ERBB4: variants seen among roughly 807,000 people sequenced by gnomAD.
ERBB4 encodes erb-b2 receptor tyrosine kinase 4.
ERBB4 carries 42 observed loss-of-function variants against 158.0 expected under a neutral mutation model. The ratio of observed to expected loss-of-function variants is 0.27; its 90% confidence interval spans 0.21 to 0.34. The LOEUF is 0.34. Among genes scored for constraint, ERBB4 ranks in the 10% least tolerant of loss-of-function variants. The probability of loss-of-function intolerance (pLI) is 1.00; values close to 1 mark genes in which losing one functional copy is unlikely to be tolerated. For synonymous variants in ERBB4, 583 were observed against 558.7 expected (o/e 1.04, Z -0.61); for missense variants, 1,333 against 1,624.1 (o/e 0.82, Z 3.08).
At chr2:212,039,418 A>G (rs1241795645) in intron 2 of ERBB4, among the ~76,000 whole-genome samples, 1 of 152,190 alleles carries the variant, frequency 6.6e-6, no homozygotes, top group Non-Finnish European at 1.5e-5. Flanking sequence ...AAGAGAGGAT[A>G]CTTTACATGG....
chr2:212,193,091 A>C (rs2082321895), intron 1 of ERBB4, among the ~76,000 whole-genome samples: 1 of 152,146 alleles, frequency 6.6e-6, no homozygotes. Flanking sequence ...TGCTATGTAC[A>C]AAATAAAGCA....
At chr2:212,068,929 A>C (rs2078026122) in intron 2 of ERBB4, among the ~76,000 whole-genome samples, 1 of 152,052 alleles carries the variant, frequency 6.6e-6, no homozygotes, top group Non-Finnish European at 1.5e-5. Context: ...TGAATGAATG[A>C]ATTTGGAACT....
Position 211,754,763 on chromosome 2 carries a change from C to A in ERBB4, c.557-4059G>T, listed in dbSNP as rs145499723. The stretch of plus-strand genomic sequence containing the variant: ...TTCCCCAGGCTGGAGTGCAATGGCA[C>A]AATTTCGGCTCACTGCAACCTCCAC... On this transcript the variant is annotated intron_variant, in intron 4 of 27. Coordinates refer to ENST00000342788, the MANE Select transcript of ERBB4 (RefSeq NM_005235.3). Among the ~76,000 whole-genome samples, 209 of 151,672 alleles carry A rather than the reference C, an allele frequency of 1.4e-3. 3 individuals carry two copies. In the East Asian group the frequency reaches 0.037, roughly 27 times the overall value.
At chr2:211,809,440 T>G (rs957610559) in intron 3 of ERBB4, among the ~76,000 whole-genome samples, 2 of 152,202 alleles carry the variant, frequency 1.3e-5, no homozygotes, top group African/African-American at 4.8e-5. Flanking sequence ...GTCCAGGAAT[T>G]TATCCATTTC....
At chr2:211,696,561 C>A (rs1443086151) in intron 12 of ERBB4, among the ~76,000 whole-genome samples, 1 of 152,048 alleles carries the variant, frequency 6.6e-6, no homozygotes, top group Non-Finnish European at 1.5e-5. Context: ...AAAACCCAGG[C>A]CATTTGGCTC....
At chr2:212,501,825 C>A in intron 1 of ERBB4, among the ~76,000 whole-genome samples, 1 of 152,048 alleles carries the variant, frequency 6.6e-6, no homozygotes, top group Non-Finnish European at 1.5e-5. Context: ...CATAATAAAT[C>A]ATTTTATCAA....
chr2:211,490,392 A>C (rs1405704199), intron 20 of ERBB4, among the ~76,000 whole-genome samples: 3 of 152,010 alleles, frequency 2.0e-5, no homozygotes, highest in South Asian at 4.1e-4. Context: ...CCACTAGACA[A>C]GCTCCATGGA....
intron 2 of ERBB4, among the ~76,000 whole-genome samples, chr2:211,963,441 T>C (rs755821867): frequency 1.3e-5 from 2 of 152,138 alleles, no homozygotes; most frequent in Non-Finnish European, 2.9e-5. Flanking sequence ...TGCCTGCTAG[T>C]ATACCATCAA....
intron 3 of ERBB4, among the ~76,000 whole-genome samples, chr2:211,837,654 T>C (rs1441927029): frequency 6.6e-6 from 1 of 152,124 alleles, no homozygotes; most frequent in Non-Finnish European, 1.5e-5. Context: ...TTAACTTCTC[T>C]GTAACTCAGT....
At position 211,987,328 on chromosome 2, in the gene ERBB4, G is replaced by C. The variant is rs114122328; in HGVS notation, c.235-39712C>G. Among the ~76,000 whole-genome samples the C allele has an allele frequency of 6.5e-3, 27 of 4,130 alleles. 1 individual carries two copies. In the East Asian group the frequency reaches 0.13, roughly 20 times the overall value. The allele number at this position is 4,130 out of a possible 152,430, so 2.7% of individuals were successfully genotyped here. A position where few individuals can be genotyped will look rare whatever the true frequency, so the allele number is the denominator to read the frequency against. Reference sequence around the variant, plus strand: ...AGAGGGAGACTCCATCTCAAGAAAAGACAAAAAAAAAAAAAAGAAAGAAAT... The same window carrying C: ...AGAGGGAGACTCCATCTCAAGAAAACACAAAAAAAAAAAAAAGAAAGAAAT... On this transcript the variant is annotated intron_variant, in intron 2 of 27. Coordinates refer to ENST00000342788, the MANE Select transcript of ERBB4 (RefSeq NM_005235.3).
At chr2:211,536,614 T>C (rs185287512) in intron 20 of ERBB4, among the ~76,000 whole-genome samples, 5 of 152,010 alleles carry the variant, frequency 3.3e-5, no homozygotes, top group African/African-American at 9.6e-5. Context: ...GGGAGAAATA[T>C]ATAGAACCAA....
At chr2:212,162,132 T>C (rs1190801267) in intron 1 of ERBB4, among the ~76,000 whole-genome samples, 2 of 151,848 alleles carry the variant, frequency 1.3e-5, no homozygotes, top group Non-Finnish European at 2.9e-5. Flanking sequence ...AAAAGACATA[T>C]GCAACAATAT....
At chr2:212,013,359 C>A (rs1194813608) in intron 2 of ERBB4, among the ~76,000 whole-genome samples, 1 of 152,174 alleles carries the variant, frequency 6.6e-6, no homozygotes. Context: ...TCCAGAAATA[C>A]AGACTTGAAA....
chr2:211,458,468 T>A (rs1473500908), intron 20 of ERBB4, among the ~76,000 whole-genome samples: 1 of 152,028 alleles, frequency 6.6e-6, no homozygotes, highest in African/African-American at 2.4e-5. Flanking sequence ...GTTTTCACCA[T>A]GTTGGCCGAG....
chr2:212,348,280 T>TA (rs1351496592), intron 1 of ERBB4, among the ~76,000 whole-genome samples: 1 of 152,056 alleles, frequency 6.6e-6, no homozygotes, highest in Non-Finnish European at 1.5e-5. Flanking sequence ...GGCACCTACT[T>TA]ATAGAGTCAG....
chr2:211,550,752 C>T (rs79835683), intron 20 of ERBB4, among the ~76,000 whole-genome samples: 12,319 of 144,554 alleles, frequency 0.085, 732 homozygotes, highest in African/African-American at 0.17. Flanking sequence ...ACATGCATTT[C>T]ATTGGTTCTG....
intron 3 of ERBB4, among the ~76,000 whole-genome samples, chr2:211,852,659 C>A (rs1396400526): frequency 1.4e-5 from 2 of 142,052 alleles, no homozygotes; most frequent in Non-Finnish European, 3.0e-5. Flanking sequence ...TTTGCCGTTG[C>A]CATCACTAAG....
chr2:211,452,104 T>C (rs2125480021), intron 20 of ERBB4, among the ~76,000 whole-genome samples: 2 of 152,338 alleles, frequency 1.3e-5, no homozygotes, highest in Middle Eastern at 6.8e-3. Flanking sequence ...CTGCACCTGA[T>C]TTGAAGATGA....
chr2:211,660,312 C>T (rs976911196), intron 15 of ERBB4, among the ~76,000 whole-genome samples: 6 of 151,990 alleles, frequency 3.9e-5, no homozygotes, highest in South Asian at 2.1e-4. Flanking sequence ...TTTTAGTCCA[C>T]GTAAGAGATG....
Sources: gnomAD v4.1 joint callset for allele counts (sites outside exome capture counted in the v4.1 genomes callset) on GRCh38, gnomAD v4.1.1 for gene constraint, MANE v1.5 for transcripts, NCBI Gene and HGNC (gene_info 2026-07-23, HGNC 2026-07-21) for gene names.